ANGPT4: variants seen among roughly 807,000 people sequenced by gnomAD.
ANGPT4 encodes angiopoietin 4, also known as angiopoietin-4.
ANGPT4 carries 50 observed loss-of-function variants against 53.0 expected under a neutral mutation model. The observed-to-expected ratio is 0.94, with a 90% CI of 0.75 to 1.20. The LOEUF is 1.20. Ranked by LOEUF, ANGPT4 falls within the 50% of genes most tolerant of loss-of-function variation. The pLI is 0.00. For missense variants in ANGPT4, 648 were observed against 637.1 expected (o/e 1.02, Z -0.18); for synonymous variants, 251 against 259.7 (o/e 0.97, Z 0.32).
chr20:876,170 G>A (rs910635688), intron 7 of ANGPT4, among the ~76,000 whole-genome samples: 3 of 147,936 alleles, frequency 2.0e-5, no homozygotes, highest in Non-Finnish European at 4.4e-5. Flanking sequence ...AAAAAAGAAG[G>A]TCTTGCTGGG....
Position 878,249 on chromosome 20 carries a change from G to C in ANGPT4, c.1132C>G (p.Leu378Val). 6.2e-7 allele frequency: 1 copy of C among 1,613,468 alleles called. No individual in the cohort carries two copies. Among genetic ancestry groups the C allele is most frequent in the Non-Finnish European group, 8.5e-7 (1 of 1,179,376 alleles). ...TCCCAGTCTTGCAGCTCCACACGCA[G>C]AGAGTAGGCTGCCCTTCTGGTGAGC... Reference protein sequence around the residue: ...HQLTRRAAYSLRVELQDWEGH... With the variant: ...HQLTRRAAYSVRVELQDWEGH... Residue 378 changes from leucine to valine, a missense_variant, in exon 7 of 9, where the codon CTG becomes GTG. Coordinates refer to ENST00000381922, the MANE Select transcript of ANGPT4 (RefSeq NM_015985.4).
At chr20:903,172 G>T (rs1982350481) in intron 1 of ANGPT4, among the ~76,000 whole-genome samples, 1 of 152,168 alleles carries the variant, frequency 6.6e-6, no homozygotes, top group Admixed American at 6.5e-5. Context: ...GCTTCTGCCT[G>T]TTGACCCAGT....
chr20:879,441 G>C (rs1375192452), intron 6 of ANGPT4, among the ~76,000 whole-genome samples: 3 of 152,008 alleles, frequency 2.0e-5, no homozygotes, highest in African/African-American at 7.3e-5. Context: ...GGGTTGACTG[G>C]GGGGATTTTT....
At chr20:878,687 G>A (rs776511773) in intron 6 of ANGPT4, among the ~76,000 whole-genome samples, 3 of 152,194 alleles carry the variant, frequency 2.0e-5, no homozygotes, top group Non-Finnish European at 4.4e-5. Context: ...AGCACTGAAT[G>A]GTGGTCACGT....
intron 1 of ANGPT4, among the ~76,000 whole-genome samples, chr20:905,951 C>T (rs976099318): frequency 6.6e-6 from 1 of 152,164 alleles, no homozygotes; most frequent in African/African-American, 2.4e-5. Flanking sequence ...AGCATCTTGC[C>T]TAAGTGGCAA....
In ANGPT4 at chr20:870,569, A is replaced by C. The variant is rs907976567; in HGVS notation, c.*2391T>G. 3.3e-5 allele frequency: 5 copies of C among 152,190 alleles called. No homozygotes were observed. The highest frequency in any genetic ancestry group is 1.2e-4 in the African/African-American group (5 of 41,428). 9.4% of individuals were successfully genotyped at this position (152,190 alleles called of 1,614,324 possible). On this transcript the variant is annotated 3_prime_UTR_variant, in exon 9 of 9. Transcript: ENST00000381922. The stretch of plus-strand genomic sequence containing the variant: ...TTACATAAAGAACAGGTGTCTGAGG[A>C]TAACTCAAATCAGCTTCCTGCCCCC...
At chr20:882,562 C>T (rs1981449601) in intron 4 of ANGPT4, among the ~76,000 whole-genome samples, 1 of 152,184 alleles carries the variant, frequency 6.6e-6, no homozygotes, top group Non-Finnish European at 1.5e-5. Flanking sequence ...TTCCAGTTCA[C>T]TCACAAGCAT....
intron 1 of ANGPT4, among the ~76,000 whole-genome samples, chr20:910,854 G>A (rs965884100): frequency 6.6e-6 from 1 of 152,112 alleles, no homozygotes; most frequent in Non-Finnish European, 1.5e-5. Context: ...GAGCCAGCTG[G>A]TCATCCCCAG....
At chr20:900,619 TG>T (rs1982249186) in intron 1 of ANGPT4, among the ~76,000 whole-genome samples, 1 of 152,242 alleles carries the variant, frequency 6.6e-6, no homozygotes, top group South Asian at 2.1e-4. Flanking sequence ...TATTTTGTTT[TG>T]TTTTTCTTAT....
chr20:872,859 G>A lies in ANGPT4; in HGVS notation c.*101C>T, dbSNP rs11907018. ...CTGGCTCAGGAAGCCCAGGGTGTCA[G>A]GGAAGGCGGTGGCACAGTGTCTTGC... On this transcript the variant is annotated 3_prime_UTR_variant, in exon 9 of 9. Transcript: ENST00000381922. 0.09 allele frequency: 133,262 copies of A among 1,474,526 alleles called. 7,306 individuals carry two copies. The highest frequency in any genetic ancestry group is 0.23 in the African/African-American group (16,766 of 71,896). The allele number at this position is 1,474,526 out of a possible 1,614,324, so 91.3% of individuals were successfully genotyped here. A position where few individuals can be genotyped will look rare whatever the true frequency, so the allele number is the denominator to read the frequency against.
intron 1 of ANGPT4, among the ~76,000 whole-genome samples, chr20:912,733 C>T (rs1982753817): frequency 6.6e-6 from 1 of 152,082 alleles, no homozygotes; most frequent in South Asian, 2.1e-4. Flanking sequence ...CTCCCCATGC[C>T]TGATGAGCAC....
intron 1 of ANGPT4, among the ~76,000 whole-genome samples, chr20:909,270 C>T (rs1210611897): frequency 6.6e-6 from 1 of 152,184 alleles, no homozygotes; most frequent in Non-Finnish European, 1.5e-5. Flanking sequence ...CCCAGCAAAG[C>T]ACTTATCCCA....
chr20:885,055 T>G (rs1468081093), intron 4 of ANGPT4, 23 bp downstream of exon 4: 3 of 1,613,028 alleles, frequency 1.9e-6, no homozygotes, highest in Admixed American at 3.3e-5. Context: ...TTAGCCACAC[T>G]GGGGCGCACA....
intron 2 of ANGPT4, among the ~76,000 whole-genome samples, chr20:888,814 A>G (rs75415847): frequency 0.049 from 7,455 of 152,110 alleles, 212 homozygotes; most frequent in Middle Eastern, 0.092. Flanking sequence ...ATTGCTTGCA[A>G]TCTATTCTCT....
intron 5 of ANGPT4, among the ~76,000 whole-genome samples, chr20:880,757 G>A (rs574294878): frequency 2.6e-5 from 4 of 152,250 alleles, no homozygotes; most frequent in African/African-American, 9.6e-5. Context: ...GAAAATGGTG[G>A]CACCTCTATT....
chr20:891,402 C>G (rs1027964798), intron 1 of ANGPT4, among the ~76,000 whole-genome samples: 6 of 152,346 alleles, frequency 3.9e-5, no homozygotes, highest in Non-Finnish European at 5.9e-5. Context: ...CAGGGCTGCT[C>G]TCTTTCCCAA....
At chr20:873,308 G>A (rs866607946) in intron 8 of ANGPT4, among the ~76,000 whole-genome samples, 188 bp from the exon 9 acceptor site, 4 of 152,066 alleles carry the variant, frequency 2.6e-5, no homozygotes, top group Admixed American at 6.5e-5. Flanking sequence ...CTGCTCAGCC[G>A]GGGCCTCTAG....
chr20:873,201 AGAACAAAGACTAATCGGGGCTGTT>A, intron 8 of ANGPT4, 81 bp from the exon 9 acceptor site: 1 of 1,417,378 alleles, frequency 7.1e-7, no homozygotes, highest in Non-Finnish European at 9.5e-7. Context: ...TGTCCCAAAG[AGAACAAAGACTAATCGGGGCTGTT>A]GCCTCCTCTG....
chr20:916,310 C>T lies in ANGPT4; in HGVS notation c.-96G>A. Reference sequence around the variant, plus strand: ...AGCCAACAGTGGCCAGGCTTGCCTGCAGCTGCAGCTACAAACCTCTGTCTG... The same window carrying T: ...AGCCAACAGTGGCCAGGCTTGCCTGTAGCTGCAGCTACAAACCTCTGTCTG... On this transcript the variant is annotated 5_prime_UTR_variant, in exon 1 of 9. Transcript: ENST00000381922. 1 of 1,334,224 alleles carries T rather than the reference C, an allele frequency of 7.5e-7. No homozygotes were observed. The highest frequency in any genetic ancestry group is 1.0e-6 in the Non-Finnish European group (1 of 970,698). The allele number at this position is 1,334,224 out of a possible 1,614,324, so 82.6% of individuals were successfully genotyped here. A position where few individuals can be genotyped will look rare whatever the true frequency, so the allele number is the denominator to read the frequency against.
Sources: gnomAD v4.1 joint callset for allele counts (sites outside exome capture counted in the v4.1 genomes callset) on GRCh38, gnomAD v4.1.1 for gene constraint, MANE v1.5 for transcripts, NCBI Gene and HGNC (gene_info 2026-07-23, HGNC 2026-07-21) for gene names.